DISP3: variants seen among roughly 807,000 people sequenced by gnomAD.
The protein encoded by DISP3 is dispatched RND transporter family member 3.
DISP3 carries 101 observed loss-of-function variants against 135.3 expected under a neutral mutation model. The observed-to-expected ratio is 0.75, with a 90% confidence interval of 0.64 to 0.88. DISP3 has a LOEUF of 0.88. DISP3 is among the 40% of genes least tolerant of loss of function. DISP3 has a pLI of 0.00. For missense variants in DISP3, 1,713 were observed against 1,878.6 expected, an observed-to-expected ratio of 0.91 and a Z score of 1.63; for synonymous variants, 856 against 817.0, an observed-to-expected ratio of 1.05 and a Z score of -0.81.
At position 11,531,460 on chromosome 1, in the gene DISP3, C is replaced by A; in HGVS notation, c.3230-105C>A. On this transcript the variant is annotated intron_variant, in intron 16 of 20. Coordinates refer to ENST00000294484, the MANE Select transcript of DISP3 (RefSeq NM_020780.2). The surrounding 1 kb of genome is among the most constrained non-coding windows in gnomAD (Gnocchi z 5.2). The stretch of plus-strand genomic sequence containing the variant: ...CAATGCCGTTGCCAATGGTTACAAG[C>A]ACTCTAAGCCTCAGAGGTATGTGAG... The A allele has an allele frequency of 6.6e-7, 1 of 1,510,910 alleles. No individual in the cohort carries two copies. Among genetic ancestry groups the A allele is most frequent in the South Asian group, 1.2e-5 (1 of 85,586 alleles). The allele number at this position is 1,510,910 out of a possible 1,614,324, so 93.6% of individuals were successfully genotyped here.
At chr1:11,479,637 G>A (rs1640836667) in intron 1 of DISP3, among the ~76,000 whole-genome samples, 1 of 152,224 alleles carries the variant, frequency 6.6e-6, no homozygotes, top group Non-Finnish European at 1.5e-5. Flanking sequence ...CAGCATTCTT[G>A]GTCGGCCAAG....
chr1:11,490,579 T>C (rs1341196248), intron 1 of DISP3, among the ~76,000 whole-genome samples: 1 of 152,104 alleles, frequency 6.6e-6, no homozygotes, highest in Non-Finnish European at 1.5e-5. Flanking sequence ...ATGTTGGTGA[T>C]TTTATTAAGC....
At chr1:11,522,650 GGCCC>G (rs1642248179) in intron 10 of DISP3, among the ~76,000 whole-genome samples, 9 of 45,234 alleles carry the variant, frequency 2.0e-4, no homozygotes, top group South Asian at 1.5e-3. Flanking sequence ...GCCCAGCCAG[GGCCC>G]AGCCAGAGCC....
chr1:11,516,298 T>C lies in DISP3; in HGVS notation c.1749+137T>C. 9.5e-7 allele frequency: 1 copy of C among 1,053,668 alleles called. No individual in the cohort carries two copies. Among genetic ancestry groups the C allele is most frequent in the Non-Finnish European group, 1.3e-6 (1 of 749,862 alleles). 65.3% of individuals were successfully genotyped at this position (1,053,668 alleles called of 1,614,324 possible). The stretch of plus-strand genomic sequence containing the variant: ...AAGGTACTTGCCCTGGCTCTAGAGT[T>C]CATTTTTGTCACGAATCACCCATTA... On this transcript the variant is annotated intron_variant, in intron 6 of 20. Transcript: ENST00000294484. This position sits in a 1 kb window ranked among gnomAD's most constrained non-coding sequence, Gnocchi z 5.1.
intron 10 of DISP3, among the ~76,000 whole-genome samples, chr1:11,522,627 G>GGGCCC (rs1557615026): frequency 1.7e-4 from 9 of 51,674 alleles, no homozygotes; most frequent in South Asian, 6.2e-4. Context: ...GACCCAGCCA[G>GGGCCC]AGCCCAGCCA....
rs1028483357 is a variant in DISP3, at chr1:11,524,044, C to T, written c.2465C>T (p.Ala822Val). The T allele has an allele frequency of 1.2e-6, 2 of 1,610,820 alleles. No homozygotes were observed. The highest frequency in any genetic ancestry group is 1.7e-6 in the Non-Finnish European group (2 of 1,177,802). Reference sequence around the variant, plus strand: ...GTCCCCTGGGCTAGCCGGCCTGAGGCCACCCTGCAGGGTGAGCACTGGGGG... The same window carrying T: ...GTCCCCTGGGCTAGCCGGCCTGAGGTCACCCTGCAGGGTGAGCACTGGGGG... ...SGVPWASRPEATLQDFPGTVY... is the reference protein window; with the variant it reads ...SGVPWASRPEVTLQDFPGTVY... The change falls in exon 11 of 21, where the codon GCC (alanine) becomes GTC (valine). Residue 822 changes from alanine to valine, a missense_variant. By Grantham distance (64) the Ala-to-Val change is moderately conservative. Transcript: ENST00000294484.
intron 18 of DISP3, chr1:11,534,797 G>A (rs1204983818): frequency 6.6e-6 from 5 of 760,700 alleles, no homozygotes; most frequent in Non-Finnish European, 1.1e-5. Flanking sequence ...GCAGCTGCCA[G>A]TTACCAGCCC....
At chr1:11,518,329 C>G (rs528027312) in intron 7 of DISP3, among the ~76,000 whole-genome samples, 1 of 152,134 alleles carries the variant, frequency 6.6e-6, no homozygotes, top group Admixed American at 6.5e-5. Flanking sequence ...CAGCGAGGAG[C>G]TTAGACTTGG....
intron 10 of DISP3, among the ~76,000 whole-genome samples, chr1:11,522,781 G>GA (rs1642266829): frequency 1.4e-5 from 2 of 140,360 alleles, no homozygotes; most frequent in Admixed American, 7.1e-5. Context: ...GACCCAGCCA[G>GA]GGCCCAGCCA....
chr1:11,534,952 G>A (rs1054125236), intron 18 of DISP3, 59 bp from the exon 19 acceptor site: 2 of 1,443,318 alleles, frequency 1.4e-6, no homozygotes, highest in Non-Finnish European at 1.9e-6. Context: ...CACCCCAGCA[G>A]CACAGCTTGC....
Position 11,501,384 on chromosome 1 carries a change from G to C in DISP3, c.392G>C (p.Gly131Ala), listed in dbSNP as rs1424174907. 1 of 1,607,540 alleles carries C rather than the reference G, an allele frequency of 6.2e-7. No homozygotes were observed. The highest frequency in any genetic ancestry group is 8.5e-7 in the Non-Finnish European group (1 of 1,176,866). Residue 131 changes from glycine (G) to alanine (A), a missense_variant, in exon 2 of 21, where the codon GGA becomes GCA. This residue lies in a region of DISP3 where 571 missense variants were observed against 494.1 expected (regional missense o/e 1.16). Coordinates refer to ENST00000294484, the MANE Select transcript of DISP3 (RefSeq NM_020780.2). This position sits in a 1 kb window ranked among gnomAD's most constrained non-coding sequence, Gnocchi z 4.9. ...ACTCTGGCGCTTAAGTCCCAGTTTG[G>C]ATCCTGGGGGCGGAACCGGCGCGAT... The part of the protein sequence containing the change: ...ALTLALKSQF[G>A]SWGRNRRDLA...
chr1:11,501,691 G>A lies in DISP3; in HGVS notation c.699G>A (p.Gln233=). Residue 233 remains glutamine, a synonymous_variant, in exon 2 of 21, where the codon CAG becomes CAA. Coordinates refer to ENST00000294484, the MANE Select transcript of DISP3 (RefSeq NM_020780.2). The surrounding 1 kb of genome is among the most constrained non-coding windows in gnomAD (Gnocchi z 4.9). ...GGCTGAGCAAGAATGGGCGGTACCAGCCCAGCATCCCGCCCCACGCGGCAG... is the reference window on the plus strand; with the variant it reads ...GGCTGAGCAAGAATGGGCGGTACCAACCCAGCATCCCGCCCCACGCGGCAG... ...NQRLSKNGRY[Q]PSIPPHAAVA... 1 of 1,603,320 alleles carries A rather than the reference G, an allele frequency of 6.2e-7. No individual in the cohort carries two copies. Among genetic ancestry groups the A allele is most frequent in the Non-Finnish European group, 8.5e-7 (1 of 1,175,460 alleles).
In DISP3 at chr1:11,520,102, G is replaced by A. The variant is rs1570123533; in HGVS notation, c.2200+222G>A. 6.6e-6 allele frequency among the ~76,000 whole-genome samples: 1 copy of A among 152,212 alleles called. No individual in the cohort carries two copies. On this transcript the variant is annotated intron_variant, in intron 9 of 20. Transcript: ENST00000294484. The surrounding 1 kb of genome is among the most constrained non-coding windows in gnomAD (Gnocchi z 4.8). ...TGCCAGCCACTCACACTGGGCAGTA[G>A]CACAGAGCATGCCACACATGGGCCC...
At chr1:11,498,156 G>A (rs993960831) in intron 1 of DISP3, among the ~76,000 whole-genome samples, 2 of 152,228 alleles carry the variant, frequency 1.3e-5, no homozygotes, top group East Asian at 1.9e-4. Context: ...AGTTGCTATT[G>A]CTATGTAACA....
At chr1:11,502,183 G>A in intron 2 of DISP3, 95 bp downstream of exon 2, 1 of 1,470,590 alleles carries the variant, frequency 6.8e-7, no homozygotes, top group Non-Finnish European at 9.0e-7. Context: ...CCCAGGCCCA[G>A]GCCCAGTCAG....
chr1:11,525,364 G>T (rs945167552), intron 12 of DISP3, 52 bp downstream of exon 12: 3 of 1,578,978 alleles, frequency 1.9e-6, no homozygotes, highest in African/African-American at 1.4e-5. Context: ...GTGGTGGGGG[G>T]CTCTCAGGGC....
Position 11,519,598 on chromosome 1 carries a change from G to A in DISP3, c.2038+95G>A, listed in dbSNP as rs375489247. 6.4e-7 allele frequency: 1 copy of A among 1,572,704 alleles called. No homozygotes were observed. Among genetic ancestry groups the A allele is most frequent in the Non-Finnish European group, 8.6e-7 (1 of 1,157,740 alleles). ...CACTTGACAAGTTGGTCCTGAGGCT[G>A]GGGGCCGGACAAGATGGCCTGTGGG... On this transcript the variant is annotated intron_variant, in intron 8 of 20. Transcript: ENST00000294484. The surrounding 1 kb of genome is among the most constrained non-coding windows in gnomAD (Gnocchi z 4.3).
chr1:11,528,106 TC>T (rs1446764935), intron 13 of DISP3, among the ~76,000 whole-genome samples: 1 of 152,194 alleles, frequency 6.6e-6, no homozygotes, highest in Non-Finnish European at 1.5e-5. Context: ...ACTCCACACT[TC>T]CTTGACAAGG....
At position 11,502,838 on chromosome 1, in the gene DISP3, G is replaced by C. The variant is rs1557601711; in HGVS notation, c.1257G>C (p.Arg419=). The C allele has an allele frequency of 6.2e-7, 1 of 1,614,204 alleles. No homozygotes were observed. Among genetic ancestry groups the C allele is most frequent in the Non-Finnish European group, 8.5e-7 (1 of 1,180,044 alleles). The part of the protein sequence containing the change: ...YSVDDRWEEQ[R]AKFQSFVVTY... ...TAGATGACCGCTGGGAGGAACAACG[G>C]GCTAAGTTTCAGAGCTTCGTGGTCA... is the stretch of plus-strand genomic sequence containing the variant. Residue 419 remains arginine, a synonymous_variant, in exon 3 of 21, where the codon CGG becomes CGC. Transcript: ENST00000294484.
Sources: allele counts gnomAD v4.1 joint callset (sites outside exome capture counted in the v4.1 genomes callset), GRCh38; gene constraint gnomAD v4.1.1; regional missense constraint gnomAD v4.1.1; non-coding constraint Gnocchi (gnomAD v3.1); transcripts MANE v1.5; gene names NCBI Gene and HGNC (gene_info 2026-07-23, HGNC 2026-07-21).